PLCD3: variants seen among roughly 807,000 people sequenced by gnomAD.
PLCD3 encodes 1-phosphatidylinositol 4,5-bisphosphate phosphodiesterase delta-3.
A neutral mutation model predicts 82.8 loss-of-function variants in PLCD3; 62 were observed. The observed-to-expected ratio is 0.75, with a 90% CI of 0.61 to 0.93. The LOEUF is 0.93. Ranked by LOEUF, PLCD3 falls within the 40% of genes least tolerant of loss-of-function variation. The probability of loss-of-function intolerance (pLI) is 0.00; values close to 1 mark genes in which losing one functional copy is unlikely to be tolerated. For synonymous variants in PLCD3, 478 were observed against 471.8 expected, an observed-to-expected ratio of 1.01 and a Z score of -0.17; for missense variants, 1,023 against 1,103.4, an observed-to-expected ratio of 0.93 and a Z score of 1.03.
At chr17:45,131,288 G>A (rs1016173322) in intron 1 of PLCD3, among the ~76,000 whole-genome samples, 1 of 152,178 alleles carries the variant, frequency 6.6e-6, no homozygotes, top group African/African-American at 2.4e-5. Context: ...CTTCTGTTCC[G>A]GAGTTCCACA....
Position 45,121,360 on chromosome 17 carries a change from T to A in PLCD3, c.176A>T (p.Asp59Val), listed in dbSNP as rs2054339292. ...CCGCAGCATGGCGCGCACGTCCTCG[T>A]CCTCCGTCAGGCCTGGCGGGGCGGG... ...RALKKMGLTE[D>V]EDVRAMLRGS... The change falls in exon 2 of 15, where the codon GAC (aspartate) becomes GTC (valine). Residue 59 changes from aspartate to valine, a missense_variant. This residue lies in a region of PLCD3 where 448 missense variants were observed against 406.3 expected (regional missense o/e 1.10). Coordinates refer to ENST00000619929, the MANE Select transcript of PLCD3 (RefSeq NM_133373.5). 1.3e-6 allele frequency: 2 copies of A among 1,528,394 alleles called. No individual in the cohort carries two copies. Among genetic ancestry groups the A allele is most frequent in the Non-Finnish European group, 1.7e-6 (2 of 1,144,952 alleles). The allele number at this position is 1,528,394 out of a possible 1,614,324, so 94.7% of individuals were successfully genotyped here. A position where few individuals can be genotyped will look rare whatever the true frequency, so the allele number is the denominator to read the frequency against.
intron 1 of PLCD3, 133 bp from the exon 2 acceptor site, chr17:45,121,505 TCCC>T: frequency 9.0e-7 from 1 of 1,109,160 alleles, no homozygotes; most frequent in Non-Finnish European, 1.2e-6. Flanking sequence ...TAAGCTTCCC[TCCC>T]CCTCACAGGA....
intron 1 of PLCD3, 96 bp from the exon 2 acceptor site, chr17:45,121,468 C>G: frequency 2.2e-6 from 3 of 1,371,540 alleles, no homozygotes; most frequent in Non-Finnish European, 2.9e-6. Context: ...CCTCCAGCCT[C>G]TCCAAACCCA....
In PLCD3 at chr17:45,132,478, T is replaced by G; in HGVS notation, c.-68A>C. 2.1e-6 allele frequency: 2 copies of G among 945,630 alleles called. No homozygotes were observed. The highest frequency in any genetic ancestry group is 1.3e-6 in the Non-Finnish European group (1 of 767,992). The allele number at this position is 945,630 out of a possible 1,614,324, so 58.6% of individuals were successfully genotyped here. A position where few individuals can be genotyped will look rare whatever the true frequency, so the allele number is the denominator to read the frequency against. ...GGGACAGGGCAGCGGGGCGCCGCTC[T>G]GGCCCGGCCCCGGCTCTGAGCGAGG... On this transcript the variant is annotated 5_prime_UTR_variant, in exon 1 of 15. Coordinates refer to ENST00000619929, the MANE Select transcript of PLCD3 (RefSeq NM_133373.5). This position sits in a 1 kb window ranked among gnomAD's most constrained non-coding sequence, Gnocchi z 4.6.
rs1257367754 is a variant in PLCD3, at chr17:45,110,972, G to A, written c.*1644C>T. ...TGTGTTTTGGTTTCTGTGGGGCTTG[G>A]GGCCAGTTCAAGGCCTATCCCAGCC... On this transcript the variant is annotated 3_prime_UTR_variant, in exon 15 of 15. Transcript: ENST00000619929. 1 of 152,224 alleles carries A rather than the reference G, an allele frequency of 6.6e-6. No individual in the cohort carries two copies. Among genetic ancestry groups the A allele is most frequent in the Non-Finnish European group, 1.5e-5 (1 of 68,064 alleles). 9.4% of individuals were successfully genotyped at this position (152,224 alleles called of 1,614,324 possible). A position where few individuals can be genotyped will look rare whatever the true frequency, so the allele number is the denominator to read the frequency against.
In PLCD3 at chr17:45,118,897, C is replaced by T. The variant is rs1426363865; in HGVS notation, c.831G>A (p.Glu277=). The change falls in exon 5 of 15, where the codon GAG becomes GAA. Residue 277 remains glutamate (E), a synonymous_variant. Transcript: ENST00000619929. This position sits in a 1 kb window ranked among gnomAD's most constrained non-coding sequence, Gnocchi z 4.1. The part of the protein sequence containing the change: ...DRVLSAPELL[E]FLEDQGEEGA... ...CCTCCTCGCCCTGGTCCTCCAGGAACTCCAGCAGCTCAGGGGCACTCAGCA... is the reference window on the plus strand; with the variant it reads ...CCTCCTCGCCCTGGTCCTCCAGGAATTCCAGCAGCTCAGGGGCACTCAGCA... 1 of 1,612,670 alleles carries T rather than the reference C, an allele frequency of 6.2e-7. No individual in the cohort carries two copies. Among genetic ancestry groups the T allele is most frequent in the East Asian group, 2.2e-5 (1 of 44,880 alleles).
intron 1 of PLCD3, among the ~76,000 whole-genome samples, chr17:45,123,801 A>G (rs960086275): frequency 3.9e-5 from 6 of 152,174 alleles, no homozygotes; most frequent in Non-Finnish European, 7.4e-5. Flanking sequence ...CTGTGGCCCT[A>G]ACAGCTCCAG....
At chr17:45,116,317 G>A (rs1322946504) in intron 8 of PLCD3, among the ~76,000 whole-genome samples, 4 of 152,298 alleles carry the variant, frequency 2.6e-5, no homozygotes, top group South Asian at 2.1e-4. Context: ...GGTGGAGAAA[G>A]TGTCAAGCGG....
Position 45,112,691 on chromosome 17 carries a change from T to A in PLCD3, c.2295A>T (p.Ile765=). The part of the protein sequence containing the change: ...LSSLKQGYRH[I]HLLSKDGASL... ...AGGCCCCGTCCTTGGAAAGCAGGTGTATGTGGCGGTACCCTGTAGGGAGGA... is the reference window on the plus strand; with the variant it reads ...AGGCCCCGTCCTTGGAAAGCAGGTGAATGTGGCGGTACCCTGTAGGGAGGA... Residue 765 remains isoleucine (I), a synonymous_variant, in exon 15 of 15, where the codon ATA becomes ATT. Coordinates refer to ENST00000619929, the MANE Select transcript of PLCD3 (RefSeq NM_133373.5). The A allele has an allele frequency of 6.2e-7, 1 of 1,605,454 alleles. No homozygotes were observed. Among genetic ancestry groups the A allele is most frequent in the Non-Finnish European group, 8.5e-7 (1 of 1,176,286 alleles).
intron 7 of PLCD3, among the ~76,000 whole-genome samples, chr17:45,117,558 T>C (rs1318929697): frequency 6.6e-6 from 1 of 152,198 alleles, no homozygotes; most frequent in African/African-American, 2.4e-5. Flanking sequence ...GCTTTTTACA[T>C]GTGAATGACA....
At chr17:45,130,300 C>T (rs2054409945) in intron 1 of PLCD3, among the ~76,000 whole-genome samples, 1 of 152,132 alleles carries the variant, frequency 6.6e-6, no homozygotes, top group South Asian at 2.1e-4. Flanking sequence ...CCGGGCTCAG[C>T]TGTAATTATT....
Position 45,109,849 on chromosome 17 carries a change from G to C in PLCD3, c.*2767C>G, listed in dbSNP as rs1015229265. The C allele has an allele frequency of 6.6e-6, 1 of 152,300 alleles. No homozygotes were observed. The highest frequency in any genetic ancestry group is 1.9e-4 in the East Asian group (1 of 5,172). The allele number at this position is 152,300 out of a possible 1,614,324, so 9.4% of individuals were successfully genotyped here. A position where few individuals can be genotyped will look rare whatever the true frequency, so the allele number is the denominator to read the frequency against. On this transcript the variant is annotated 3_prime_UTR_variant, in exon 15 of 15. Transcript: ENST00000619929. ...TCCCAGCACTTTGGGAGGGCGAGGC[G>C]GGTGGATCACGAGGTCAGGAGATCG...
chr17:45,115,246 T>A lies in PLCD3; in HGVS notation c.1561-2A>T, dbSNP rs2054279940. On this transcript the variant is annotated splice_acceptor_variant, in intron 9 of 14. Transcript: ENST00000619929. LOFTEE classifies it high-confidence loss of function. Reference sequence around the variant, plus strand: ...CAGCTCCGGGGAGATCTGCTTGGCCTAGGAGACCAGGCTCAGCGGGGTTCA... The same window carrying A: ...CAGCTCCGGGGAGATCTGCTTGGCCAAGGAGACCAGGCTCAGCGGGGTTCA... The A allele has an allele frequency of 4.5e-6, 7 of 1,557,262 alleles. No homozygotes were observed. The highest frequency in any genetic ancestry group is 5.2e-6 in the Non-Finnish European group (6 of 1,148,052).
intron 1 of PLCD3, among the ~76,000 whole-genome samples, chr17:45,131,003 C>T (rs1441895823): frequency 6.6e-6 from 1 of 152,116 alleles, no homozygotes. Context: ...ATGCAAGAGC[C>T]CCAGGGTGGA....
rs1440548371 is a variant in PLCD3, at chr17:45,121,202, G to A, written c.325+9C>T. 2.5e-6 allele frequency: 4 copies of A among 1,569,896 alleles called. No individual in the cohort carries two copies. Among genetic ancestry groups the A allele is most frequent in the Non-Finnish European group, 3.4e-6 (4 of 1,167,070 alleles). ...CTCCCTGTCCGCCCGGCGCTCCCCG[G>A]CCTCTCACAGATGTGCTGCGATGGC... On this transcript the variant is annotated intron_variant, in intron 2 of 14. Coordinates refer to ENST00000619929, the MANE Select transcript of PLCD3 (RefSeq NM_133373.5).
chr17:45,120,335 AG>A lies in PLCD3; in HGVS notation c.673del (p.Leu225SerfsTer14), dbSNP rs757617856. On this transcript the variant is annotated frameshift_variant, in exon 4 of 15. Coordinates refer to ENST00000619929, the MANE Select transcript of PLCD3 (RefSeq NM_133373.5). LOFTEE classifies it high-confidence loss of function. ...NVDMNDMYAYLLFKECDHSNN... is the reference protein window; with the variant it reads ...NVDMNDMYAYXLFKECDHSNN... ...AGGGCGGAAGCCCACCTTGAAGAGG[AG>A]GTAGGCGTACATGTCGTTCATGTCC... 1 of 1,614,022 alleles carries A rather than the reference AG, an allele frequency of 6.2e-7. No individual in the cohort carries two copies. The highest frequency in any genetic ancestry group is 2.2e-5 in the East Asian group (1 of 44,882).
intron 1 of PLCD3, among the ~76,000 whole-genome samples, chr17:45,129,903 G>C (rs1484345659): frequency 6.6e-6 from 1 of 152,198 alleles, no homozygotes; most frequent in African/African-American, 2.4e-5. Context: ...GCCACTCCCT[G>C]CCCTAGTCCC....
At chr17:45,119,295 A>G (rs2054318634) in intron 4 of PLCD3, among the ~76,000 whole-genome samples, 1 of 152,196 alleles carries the variant, frequency 6.6e-6, no homozygotes, top group African/African-American at 2.4e-5. Context: ...TGGCATGATC[A>G]TAGCTCACTG....
intron 1 of PLCD3, among the ~76,000 whole-genome samples, chr17:45,124,741 G>A (rs963881988): frequency 1.3e-5 from 2 of 152,252 alleles, no homozygotes; most frequent in Non-Finnish European, 2.9e-5. Context: ...CTCTGAGCAG[G>A]TGCACAAGCC....
Sources: allele counts gnomAD v4.1 joint callset (sites outside exome capture counted in the v4.1 genomes callset), GRCh38; gene constraint gnomAD v4.1.1; regional missense constraint gnomAD v4.1.1; non-coding constraint Gnocchi (gnomAD v3.1); transcripts MANE v1.5; gene names NCBI Gene and HGNC (gene_info 2026-07-23, HGNC 2026-07-21).